Variants in CASK observed in about 807,000 individuals in gnomAD.
CASK encodes the protein peripheral plasma membrane protein CASK.
In CASK, 4 loss-of-function variants were observed where a neutral mutation model predicts 82.9. The observed-to-expected ratio is 0.05, with a 90% CI of 0.02 to 0.11. The LOEUF (loss-of-function observed/expected upper bound fraction) is 0.11. Among genes scored for constraint, CASK ranks in the 10% least tolerant of loss-of-function variants. CASK has a pLI of 1.00. For synonymous variants in CASK, 259 were observed against 253.5 expected (o/e 1.02, Z -0.20); for missense variants, 358 against 720.9 (o/e 0.50, Z 5.76).
intron 8 of CASK, among the ~76,000 whole-genome samples, chrX:41,645,513 A>C (rs773176955): frequency 9.0e-6 from 1 of 110,913 alleles, no homozygotes; most frequent in East Asian, 2.9e-4. Flanking sequence ...GACAATCAAA[A>C]CCACAGAGAA....
intron 3 of CASK, among the ~76,000 whole-genome samples, chrX:41,756,507 G>A (rs769122473): frequency 4.5e-5 from 5 of 112,309 alleles, no homozygotes; most frequent in Non-Finnish European, 9.4e-5. Flanking sequence ...GAATATGGCT[G>A]AATCCTGAAG....
At chrX:41,664,692 T>C (rs1159032826) in intron 7 of CASK, among the ~76,000 whole-genome samples, 3 of 112,264 alleles carry the variant, frequency 2.7e-5, no homozygotes, top group Non-Finnish European at 3.8e-5. Flanking sequence ...TCGCTATTCA[T>C]AAAGTCAGTA....
intron 8 of CASK, among the ~76,000 whole-genome samples, chrX:41,641,142 C>T (rs921454073): frequency 1.8e-5 from 2 of 110,102 alleles, no homozygotes; most frequent in Non-Finnish European, 3.8e-5. Context: ...TGCGCTATCA[C>T]GCCCGGCTAA....
At chrX:41,625,910 C>G (rs2066362884) in intron 10 of CASK, among the ~76,000 whole-genome samples, 1 of 100,344 alleles carries the variant, frequency 1.0e-5, no homozygotes, top group Non-Finnish European at 2.0e-5. Context: ...TCCCAAGTAG[C>G]TGGGACTACA....
chrX:41,575,921 T>C (rs144725451), intron 15 of CASK, among the ~76,000 whole-genome samples: 10 of 110,915 alleles, frequency 9.0e-5, no homozygotes, highest in African/African-American at 3.3e-4. Flanking sequence ...AAAAAGTAAC[T>C]CAGGGATGTA....
At position 41,603,794 on chromosome X, in the gene CASK, A is replaced by G. The variant is rs745899939; in HGVS notation, c.1155+6110T>C. 8.3e-4 allele frequency among the ~76,000 whole-genome samples: 93 copies of G among 112,099 alleles called. 1 individual carries two copies. Among genetic ancestry groups the G allele is most frequent in the Admixed American group, 4.3e-3 (45 of 10,510 alleles). On this transcript the variant is annotated intron_variant, in intron 12 of 26. Transcript: ENST00000378163. ...CAGAGGTATGACAGATGGCCAGTTA[A>G]TGTTTAAAACTTAGTTGTCAAAGTT...
At chrX:41,578,628 A>T in intron 14 of CASK, 100 bp from the exon 15 acceptor site, 3 of 629,197 alleles carry the variant, frequency 4.8e-6, no homozygotes, top group Non-Finnish European at 7.4e-6. Context: ...TCACTCTGTC[A>T]CCCAGGGTGC....
intron 1 of CASK, among the ~76,000 whole-genome samples, chrX:41,859,427 C>T (rs968462753): frequency 5.4e-5 from 6 of 111,790 alleles, no homozygotes; most frequent in Admixed American, 9.5e-5. Flanking sequence ...TTTACAGGCA[C>T]GCATGTAATG....
intron 16 of CASK, among the ~76,000 whole-genome samples, chrX:41,565,702 C>T (rs1448149379): frequency 8.9e-6 from 1 of 111,804 alleles, no homozygotes; most frequent in Non-Finnish European, 1.9e-5. Flanking sequence ...TTCCAATCAA[C>T]AGAAAAGAGG....
chrX:41,657,278 G>C, intron 8 of CASK, among the ~76,000 whole-genome samples: 1 of 112,455 alleles, frequency 8.9e-6, no homozygotes, highest in Middle Eastern at 4.6e-3. Context: ...CCTTGAAAGA[G>C]ACTCAGAGCA....
Position 41,710,927 on chromosome X carries a change from G to A in CASK, c.429+28457C>T, listed in dbSNP as rs143278539. Among the ~76,000 whole-genome samples, 14 of 112,430 alleles carry A rather than the reference G, an allele frequency of 1.2e-4. No homozygotes were observed. In the East Asian group the frequency reaches 3.6e-3, roughly 29 times the overall value. On this transcript the variant is annotated intron_variant, in intron 5 of 26. Transcript: ENST00000378163. Reference sequence around the variant, plus strand: ...AACTTGTGGAGTTTCCCAGATGGTGGTGCCTCTGTCCAGAGAGGACAGGAA... The same window carrying A: ...AACTTGTGGAGTTTCCCAGATGGTGATGCCTCTGTCCAGAGAGGACAGGAA...
chrX:41,517,566 A>C lies in CASK; in HGVS notation c.*2854T>G. On this transcript the variant is annotated 3_prime_UTR_variant, in exon 27 of 27. Transcript: ENST00000378163. ...AACACTCCCTTTCTTGCTGTGGGGA[A>C]TGGAGTTGGGTGGGGGAGAGAACCT... The C allele has an allele frequency of 2.9e-6, 1 of 344,316 alleles. No homozygotes were observed. The allele number at this position is 344,316 out of a possible 1,213,427, so 28.4% of individuals were successfully genotyped here. A position where few individuals can be genotyped will look rare whatever the true frequency, so the allele number is the denominator to read the frequency against.
intron 15 of CASK, among the ~76,000 whole-genome samples, chrX:41,577,527 A>G (rs2065500027): frequency 1.8e-5 from 2 of 111,752 alleles, no homozygotes. Context: ...ATAATCCTTA[A>G]CATGTCTTCC....
At chrX:41,612,222 T>A (rs1259097365) in intron 11 of CASK, among the ~76,000 whole-genome samples, 1 of 107,932 alleles carries the variant, frequency 9.3e-6, no homozygotes, top group Non-Finnish European at 1.9e-5. Flanking sequence ...GAGGAGCATC[T>A]CTGCCCCGCC....
At chrX:41,721,828 CCT>C (rs1380245912) in intron 5 of CASK, among the ~76,000 whole-genome samples, 1 of 112,115 alleles carries the variant, frequency 8.9e-6, no homozygotes, top group Admixed American at 9.5e-5. Flanking sequence ...GTTATGTTCT[CCT>C]CTCTTTCCTT....
intron 5 of CASK, among the ~76,000 whole-genome samples, chrX:41,674,005 A>C (rs1239372021): frequency 9.1e-6 from 1 of 110,095 alleles, no homozygotes; most frequent in Admixed American, 9.8e-5. Context: ...TTTTCTGCAA[A>C]GTACTGAGGA....
chrX:41,840,309 A>C (rs2071008617), intron 2 of CASK, among the ~76,000 whole-genome samples: 1 of 112,301 alleles, frequency 8.9e-6, no homozygotes, highest in African/African-American at 3.2e-5. Flanking sequence ...TGTTATGCTT[A>C]TACATAAGCA....
chrX:41,824,907 TCTAA>T (rs1173927455), intron 2 of CASK, among the ~76,000 whole-genome samples: 1 of 112,050 alleles, frequency 8.9e-6, no homozygotes, highest in Non-Finnish European at 1.9e-5. Context: ...TTCACAGTTC[TCTAA>T]CTTTTACTAG....
At chrX:41,617,203 G>A (rs1470496936) in intron 11 of CASK, among the ~76,000 whole-genome samples, 4 of 112,145 alleles carry the variant, frequency 3.6e-5, no homozygotes, top group Non-Finnish European at 7.5e-5. Context: ...AAGCACAAAG[G>A]CATCTGTTAG....
Sources: allele counts gnomAD v4.1 joint callset (sites outside exome capture counted in the v4.1 genomes callset), GRCh38; gene constraint gnomAD v4.1.1; transcripts MANE v1.5; gene names NCBI Gene and HGNC (gene_info 2026-07-23, HGNC 2026-07-21).